The following PEX1 variants were observed in gnomAD, a reference collection of about 807,000 sequenced individuals.
The protein encoded by PEX1 is peroxisomal biogenesis factor 1, also known as peroxisomal ATPase PEX1.
PEX1 carries 97 observed loss-of-function variants against 152.5 expected under a neutral mutation model. The observed-to-expected ratio is 0.64, with a 90% CI of 0.54 to 0.75. The LOEUF (loss-of-function observed/expected upper bound fraction) is 0.75, where lower values mean the gene tolerates loss of function less well. Ranked by LOEUF, PEX1 falls within the 30% of genes least tolerant of loss-of-function variation. The pLI, the probability that PEX1 is intolerant of heterozygous loss-of-function variation, is 0.00. For missense variants in PEX1, 1,357 were observed against 1,516.3 expected, an observed-to-expected ratio of 0.89 and a Z score of 1.74; for synonymous variants, 485 against 531.6, an observed-to-expected ratio of 0.91 and a Z score of 1.21.
intron 14 of PEX1, 80 bp from the exon 15 acceptor site, chr7:92,501,753 G>T (rs770002685): frequency 4.3e-6 from 6 of 1,392,254 alleles, no homozygotes; most frequent in Non-Finnish European, 5.1e-6. Flanking sequence ...ATCTTAGCTG[G>T]AAACACTAAT....
intron 9 of PEX1, chr7:92,507,490 A>T: frequency 4.2e-6 from 1 of 240,806 alleles, no homozygotes. Flanking sequence ...GGCTCAAGTG[A>T]TCCATCTGCC....
At chr7:92,506,224 T>C (rs756668728) in intron 11 of PEX1, 24 bp downstream of exon 11, 19 of 1,225,452 alleles carry the variant, frequency 1.6e-5, no homozygotes, top group Non-Finnish European at 2.2e-5. Context: ...AAGGGATTTA[T>C]ATAGAGTGTT....
Position 92,518,302 on chromosome 7 carries a change from C to G in PEX1, c.358-47G>C, listed in dbSNP as rs776908180. 6.9e-6 allele frequency: 8 copies of G among 1,158,450 alleles called. No homozygotes were observed. The East Asian group carries it at 1.9e-4, about 27-fold the overall frequency. The allele number at this position is 1,158,450 out of a possible 1,614,324, so 71.8% of individuals were successfully genotyped here. A position where few individuals can be genotyped will look rare whatever the true frequency, so the allele number is the denominator to read the frequency against. On this transcript the variant is annotated intron_variant, in intron 3 of 23. Coordinates refer to ENST00000248633, the MANE Select transcript of PEX1 (RefSeq NM_000466.3). ...ATCAATTCACTTTACATTTTGTCCA[C>G]TCCATATCTAGTTAAAAAAAATCTC...
chr7:92,493,178 A>T lies in PEX1; in HGVS notation c.3031-49T>A, dbSNP rs575923042. 107 of 1,003,610 alleles carry T rather than the reference A, an allele frequency of 1.1e-4. 1 individual carries two copies. In the East Asian group the frequency reaches 2.1e-3, roughly 20 times the overall value. 62.2% of individuals were successfully genotyped at this position (1,003,610 alleles called of 1,614,324 possible). A position where few individuals can be genotyped will look rare whatever the true frequency, so the allele number is the denominator to read the frequency against. On this transcript the variant is annotated intron_variant, in intron 19 of 23. Transcript: ENST00000248633. ...ACAAATAAAAAATAAAATTAAAAAT[A>T]TTATCTTAAATTGTGTATCTTATGA...
At position 92,501,498 on chromosome 7, in the gene PEX1, T is replaced by A. The variant is rs1007607739; in HGVS notation, c.2583+9A>T. ...AGTAAGTATTCACTTTTTCTTTTTT[T>A]AAACATACCTTGGCAGGTAACTGGA... On this transcript the variant is annotated intron_variant, in intron 15 of 23. Transcript: ENST00000248633. 6.2e-7 allele frequency: 1 copy of A among 1,611,524 alleles called. No homozygotes were observed. The highest frequency in any genetic ancestry group is 8.5e-7 in the Non-Finnish European group (1 of 1,177,684).
Position 92,496,716 on chromosome 7 carries a change from AT to A in PEX1, c.2779del (p.Ile927LeufsTer34), listed in dbSNP as rs1791670340. 1 of 1,601,572 alleles carries A rather than the reference AT, an allele frequency of 6.2e-7. No homozygotes were observed. Among genetic ancestry groups the A allele is most frequent in the Admixed American group, 1.7e-5 (1 of 59,990 alleles). ...ASEQAVRDIF[I>X]RAQAAKPCIL... is the part of the protein sequence containing the mutation. ...AAAACATTCATAGGCTACCAACCTA[AT>A]AAAAATATCCCGAACAGCTTGTTCA... On this transcript the variant is annotated frameshift_variant, in exon 17 of 24. Coordinates refer to ENST00000248633, the MANE Select transcript of PEX1 (RefSeq NM_000466.3). LOFTEE classifies it high-confidence loss of function.
chr7:92,510,416 T>C (rs906269136), intron 8 of PEX1, among the ~76,000 whole-genome samples: 4 of 141,638 alleles, frequency 2.8e-5, no homozygotes, highest in South Asian at 4.5e-4. Flanking sequence ...CAGTGAGCCA[T>C]GATCATGCCA....
chr7:92,506,008 A>G (rs1325046858), intron 11 of PEX1, among the ~76,000 whole-genome samples: 3 of 152,152 alleles, frequency 2.0e-5, no homozygotes, highest in Admixed American at 6.5e-5. Flanking sequence ...GAGCACTTCC[A>G]GAAATGTAGT....
Position 92,496,727 on chromosome 7 carries a change from C to T in PEX1, c.2769G>A (p.Arg923=). 1 of 1,608,066 alleles carries T rather than the reference C, an allele frequency of 6.2e-7. No homozygotes were observed. Among genetic ancestry groups the T allele is most frequent in the South Asian group, 1.1e-5 (1 of 90,922 alleles). The change falls in exon 17 of 24, where the codon CGG becomes CGA. Residue 923 remains arginine (R), a synonymous_variant. Coordinates refer to ENST00000248633, the MANE Select transcript of PEX1 (RefSeq NM_000466.3). ...KYIGASEQAV[R]DIFIRAQAAK... is the part of the protein sequence containing the mutation. ...AGGCTACCAACCTAATAAAAATATC[C>T]CGAACAGCTTGTTCACTTGCTCCAA...
intron 16 of PEX1, among the ~76,000 whole-genome samples, chr7:92,498,126 G>A (rs1010891672): frequency 6.6e-6 from 1 of 151,296 alleles, no homozygotes; most frequent in Non-Finnish European, 1.5e-5. Flanking sequence ...CAACAGCCTG[G>A]CACTTTTAGT....
chr7:92,491,570 CATAG>C, intron 20 of PEX1, 68 bp from the exon 21 acceptor site: 1 of 901,158 alleles, frequency 1.1e-6, no homozygotes, highest in Non-Finnish European at 1.8e-6. Context: ...TAAATAATAA[CATAG>C]ATAGCATTCT....
intron 7 of PEX1, 117 bp from the exon 8 acceptor site, chr7:92,511,164 G>C: frequency 1.6e-6 from 1 of 638,256 alleles, no homozygotes. Flanking sequence ...CCCCCCAACA[G>C]GGTCTCACTC....
At chr7:92,500,634 C>T (rs10274004) in intron 15 of PEX1, among the ~76,000 whole-genome samples, 1,856 of 152,282 alleles carry the variant, frequency 0.012, 41 homozygotes, top group African/African-American at 0.043. Flanking sequence ...ATCAACATGT[C>T]CCAGGCCCCA....
In PEX1 at chr7:92,518,845, T is replaced by C. The variant is rs914671341; in HGVS notation, c.357+150A>G. Reference sequence around the variant, plus strand: ...TTGGCCTCCCAAAGTGCTGGGACTATAGGCATGAGCTACTGTGCCTGGCCC... The same window carrying C: ...TTGGCCTCCCAAAGTGCTGGGACTACAGGCATGAGCTACTGTGCCTGGCCC... On this transcript the variant is annotated intron_variant, in intron 3 of 23. Coordinates refer to ENST00000248633, the MANE Select transcript of PEX1 (RefSeq NM_000466.3). 4.7e-5 allele frequency: 32 copies of C among 679,044 alleles called. No individual in the cohort carries two copies. In the Admixed American group the frequency reaches 5.5e-4, roughly 12 times the overall value. The allele number at this position is 679,044 out of a possible 1,614,324, so 42.1% of individuals were successfully genotyped here. A position where few individuals can be genotyped will look rare whatever the true frequency, so the allele number is the denominator to read the frequency against.
Position 92,511,566 on chromosome 7 carries a change from A to T in PEX1, c.1483+14T>A. On this transcript the variant is annotated intron_variant, in intron 7 of 23. Coordinates refer to ENST00000248633, the MANE Select transcript of PEX1 (RefSeq NM_000466.3). ...TTAAATAGAAAAAAAAGTCAAAATA[A>T]CAAATGTACTCACCATCTTTAGTTT... The T allele has an allele frequency of 6.2e-7, 1 of 1,604,186 alleles. No homozygotes were observed. Among genetic ancestry groups the T allele is most frequent in the Non-Finnish European group, 8.5e-7 (1 of 1,172,930 alleles).
At chr7:92,492,800 C>T (rs1791410153) in intron 20 of PEX1, among the ~76,000 whole-genome samples, 153 bp downstream of exon 20, 1 of 152,060 alleles carries the variant, frequency 6.6e-6, no homozygotes, top group Admixed American at 6.5e-5. Flanking sequence ...ACCCATATTC[C>T]AACTATGGAA....
intron 3 of PEX1, 91 bp downstream of exon 3, chr7:92,518,904 A>C (rs1347180760): frequency 3.1e-6 from 3 of 964,420 alleles, no homozygotes; most frequent in East Asian, 4.8e-5. Context: ...CCAACTCAGA[A>C]TATATAATAA....
chr7:92,504,389 C>G (rs1027394110), intron 12 of PEX1, among the ~76,000 whole-genome samples: 1 of 152,098 alleles, frequency 6.6e-6, no homozygotes. Flanking sequence ...ACTGTTCACC[C>G]TTCTTTTTCT....
chr7:92,515,079 A>ATC (rs1562863765), intron 5 of PEX1, among the ~76,000 whole-genome samples: 18 of 1,926 alleles, frequency 9.3e-3, no homozygotes, highest in African/African-American at 0.078. Flanking sequence ...ATATATATAT[A>ATC]TATATATATA....
Sources: allele counts gnomAD v4.1 joint callset (sites outside exome capture counted in the v4.1 genomes callset), GRCh38; gene constraint gnomAD v4.1.1; transcripts MANE v1.5; gene names NCBI Gene and HGNC (gene_info 2026-07-23, HGNC 2026-07-21).